Variants in TMEM178A observed in about 807,000 individuals in gnomAD.
TMEM178A encodes the protein transmembrane protein 178A.
In TMEM178A, 12 loss-of-function variants were observed where a neutral mutation model predicts 29.1. The ratio of observed to expected loss-of-function variants is 0.41; its 90% CI spans 0.26 to 0.67. TMEM178A has a LOEUF of 0.67. TMEM178A is among the 30% of genes least tolerant of loss of function. TMEM178A has a pLI of 0.29. For synonymous variants in TMEM178A, 210 were observed against 187.2 expected (o/e 1.12, Z -0.99); for missense variants, 366 against 419.1 (o/e 0.87, Z 1.11).
chr2:39,675,959 A>AT (rs1033944108), intron 1 of TMEM178A, among the ~76,000 whole-genome samples: 3 of 151,252 alleles, frequency 2.0e-5, no homozygotes, highest in East Asian at 1.9e-4. Flanking sequence ...TTCTTTTTAA[A>AT]TTTTTTTGTA....
Position 39,717,259 on chromosome 2 carries a change from C to T in TMEM178A, c.*8C>T, listed in dbSNP as rs1334805018. The T allele has an allele frequency of 3.7e-6, 6 of 1,613,078 alleles. No individual in the cohort carries two copies. The highest frequency in any genetic ancestry group is 4.2e-6 in the Non-Finnish European group (5 of 1,179,626). On this transcript the variant is annotated 3_prime_UTR_variant, in exon 4 of 4. Transcript: ENST00000281961. ...AGAGACTCCACGGTATGACTGTCCT[C>T]ACTGGGCCTGTCCACAGTGCGAGCG...
chr2:39,686,462 C>G (rs1292567830), intron 1 of TMEM178A, among the ~76,000 whole-genome samples: 2 of 151,990 alleles, frequency 1.3e-5, no homozygotes, highest in Non-Finnish European at 2.9e-5. Flanking sequence ...TGGAACAGCC[C>G]CATTTCTTAT....
intron 3 of TMEM178A, among the ~76,000 whole-genome samples, chr2:39,708,634 G>A (rs1241807924): frequency 1.3e-5 from 2 of 151,356 alleles, no homozygotes; most frequent in Non-Finnish European, 2.9e-5. Flanking sequence ...AGCCAGGATG[G>A]TCTCGATCTC....
intron 3 of TMEM178A, among the ~76,000 whole-genome samples, chr2:39,712,183 A>G (rs1672340242): frequency 6.6e-6 from 1 of 152,084 alleles, no homozygotes. Flanking sequence ...TTGAAGGAAG[A>G]CCAAAGAGAT....
intron 3 of TMEM178A, among the ~76,000 whole-genome samples, chr2:39,714,213 G>T (rs1360275571): frequency 6.6e-6 from 1 of 152,126 alleles, no homozygotes; most frequent in Non-Finnish European, 1.5e-5. Flanking sequence ...GCAAGCTATA[G>T]GGGCATTTGT....
chr2:39,676,633 A>C (rs564477347), intron 1 of TMEM178A, among the ~76,000 whole-genome samples: 1 of 152,178 alleles, frequency 6.6e-6, no homozygotes, highest in African/African-American at 2.4e-5. Context: ...GGCTGGAGAA[A>C]GGGCCCAGGC....
rs530661071 is a variant in TMEM178A, at chr2:39,690,158, C to T, written c.401-13923C>T. Among the ~76,000 whole-genome samples the T allele has an allele frequency of 1.3e-4, 20 of 151,322 alleles. 1 individual carries two copies. In the South Asian group the frequency reaches 4.2e-3, roughly 32 times the overall value. On this transcript the variant is annotated intron_variant, in intron 1 of 3. Coordinates refer to ENST00000281961, the MANE Select transcript of TMEM178A (RefSeq NM_152390.3). ...AGGCAGGAGCTCACAAAAACCATTG[C>T]GTAGATCTCAAAATCTGGCCACAGA...
intron 1 of TMEM178A, among the ~76,000 whole-genome samples, chr2:39,689,416 C>T (rs1178130897): frequency 1.3e-5 from 2 of 152,092 alleles, no homozygotes; most frequent in African/African-American, 4.8e-5. Context: ...ATATTCTAGA[C>T]TCAGAAAGCA....
At chr2:39,721,171 GGAA>G (rs1293697115), downstream of TMEM178A, among the ~76,000 whole-genome samples, 3 of 152,234 alleles carry the variant, frequency 2.0e-5, no homozygotes, top group Non-Finnish European at 4.4e-5. Context: ...TGGAAGAAGA[GGAA>G]GTTTTCTGTG....
rs1558460273 is a variant in TMEM178A at position 39,704,160 on chromosome 2, C to T, written c.480C>T (p.Thr160=). The change falls in exon 2 of 4, where the codon ACC becomes ACT. Residue 160 remains threonine (T), a synonymous_variant. Coordinates refer to ENST00000281961, the MANE Select transcript of TMEM178A (RefSeq NM_152390.3). The stretch of plus-strand genomic sequence containing the variant: ...TGCGAAACATTCCTTTTAATTTAAC[C>T]AAGACCATACAGCAAGATGAGTGGC... ...IRLRNIPFNL[T]KTIQQDEWHL... 3.1e-6 allele frequency: 5 copies of T among 1,614,094 alleles called. No homozygotes were observed. The highest frequency in any genetic ancestry group is 4.2e-6 in the Non-Finnish European group (5 of 1,180,002).
chr2:39,735,240 T>C, the TMEM178A span, among the ~76,000 whole-genome samples: 817 of 152,284 alleles, frequency 5.4e-3, 7 homozygotes, highest in African/African-American at 0.019. Flanking sequence ...ATCCACTATA[T>C]GCCAGGAGTA....
intron 1 of TMEM178A, among the ~76,000 whole-genome samples, chr2:39,698,698 A>AT (rs397955246): frequency 0.4 from 59,047 of 146,166 alleles, 12,577 homozygotes; most frequent in East Asian, 0.75. Context: ...TTCATGCTCT[A>AT]TTTTTTTTTT....
intron 1 of TMEM178A, among the ~76,000 whole-genome samples, chr2:39,694,143 G>A (rs1315011323): frequency 7.5e-6 from 1 of 132,600 alleles, no homozygotes; most frequent in Non-Finnish European, 1.6e-5. Context: ...GATAAAAAAA[G>A]TAGCAATAGT....
chr2:39,692,124 A>G (rs973803260), intron 1 of TMEM178A, among the ~76,000 whole-genome samples: 1 of 152,182 alleles, frequency 6.6e-6, no homozygotes, highest in Non-Finnish European at 1.5e-5. Flanking sequence ...AAAGCAGAGA[A>G]TAGAATGGTG....
At position 39,704,137 on chromosome 2, in the gene TMEM178A, C is replaced by T; in HGVS notation, c.457C>T (p.Arg153Ter). The change falls in exon 2 of 4, where the codon CGA (arginine) becomes TGA (stop). Residue 153 changes from arginine to a stop codon, truncating the protein, a stop_gained. Coordinates refer to ENST00000281961, the MANE Select transcript of TMEM178A (RefSeq NM_152390.3). LOFTEE classifies it high-confidence loss of function. ...KYHFSQPIRL[R>*]NIPFNLTKTI... ...CCACTTTTCTCAGCCCATCCGCTTG[C>T]GAAACATTCCTTTTAATTTAACCAA... 3.1e-6 allele frequency: 5 copies of T among 1,614,138 alleles called. No homozygotes were observed. The highest frequency in any genetic ancestry group is 4.2e-6 in the Non-Finnish European group (5 of 1,180,014).
At chr2:39,720,677 C>A (rs1368787154), downstream of TMEM178A, among the ~76,000 whole-genome samples, 4 of 152,188 alleles carry the variant, frequency 2.6e-5, no homozygotes, top group East Asian at 7.7e-4. Flanking sequence ...CCACCCAGTG[C>A]CTGGTAGACC....
the TMEM178A span, among the ~76,000 whole-genome samples, chr2:39,725,353 T>C: frequency 6.6e-6 from 1 of 152,164 alleles, no homozygotes; most frequent in South Asian, 2.1e-4. Context: ...TACGCCTACA[T>C]AATCAAGAAA....
At chr2:39,722,468 C>T (rs934571507), downstream of TMEM178A, among the ~76,000 whole-genome samples, 3 of 152,106 alleles carry the variant, frequency 2.0e-5, no homozygotes, top group Admixed American at 1.3e-4. Context: ...GCTAACTGAC[C>T]CAGCTGCCAG....
chr2:39,687,083 C>T (rs1195160235), intron 1 of TMEM178A, among the ~76,000 whole-genome samples: 1 of 151,534 alleles, frequency 6.6e-6, no homozygotes, highest in Non-Finnish European at 1.5e-5. Context: ...GTCTCACCCT[C>T]TCCTTCTTGT....
Sources: gnomAD v4.1 joint callset for allele counts (sites outside exome capture counted in the v4.1 genomes callset) on GRCh38, gnomAD v4.1.1 for gene constraint, MANE v1.5 for transcripts, NCBI Gene and HGNC (gene_info 2026-07-23, HGNC 2026-07-21) for gene names.